The following AOAH variants were observed in gnomAD, a reference collection of about 807,000 sequenced individuals.
AOAH encodes the protein acyloxyacyl hydrolase (neutrophil).
A neutral mutation model predicts 92.2 loss-of-function variants in AOAH; 64 were observed. The observed-to-expected ratio is 0.69, with a 90% CI of 0.57 to 0.86. AOAH has a LOEUF of 0.86. Ranked by LOEUF, AOAH falls within the 40% of genes least tolerant of loss-of-function variation. The probability of loss-of-function intolerance (pLI) is 0.00; values close to 1 mark genes in which losing one functional copy is unlikely to be tolerated. For synonymous variants in AOAH, 263 were observed against 254.5 expected, an observed-to-expected ratio of 1.03 and a Z score of -0.32; for missense variants, 656 against 694.6, an observed-to-expected ratio of 0.94 and a Z score of 0.62.
At chr7:36,624,373 A>G (rs1792485511) in intron 6 of AOAH, among the ~76,000 whole-genome samples, 1 of 152,236 alleles carries the variant, frequency 6.6e-6, no homozygotes, top group Non-Finnish European at 1.5e-5. Context: ...GAGAACCTCA[A>G]GGCAAATAAA....
rs1204434025 is a variant in AOAH at position 36,516,727 on chromosome 7, A to C, written c.1600-3347T>G. 6.6e-6 allele frequency among the ~76,000 whole-genome samples: 1 copy of C among 152,094 alleles called. No individual in the cohort carries two copies. The highest frequency in any genetic ancestry group is 1.5e-5 in the Non-Finnish European group (1 of 68,006). ...ATTACTGGTTCTTCTTTTTTGTGTT[A>C]TTGGCTTTCAACTTGATACACCTAA... is the stretch of plus-strand genomic sequence containing the variant. On this transcript the variant is annotated intron_variant, in intron 20 of 20. Coordinates refer to ENST00000617537, the MANE Select transcript of AOAH (RefSeq NM_001637.4). This position sits in a 1 kb window ranked among gnomAD's most constrained non-coding sequence, Gnocchi z 5.0.
chr7:36,700,775 G>T (rs572159015), intron 1 of AOAH, among the ~76,000 whole-genome samples: 1 of 152,168 alleles, frequency 6.6e-6, no homozygotes, highest in Admixed American at 6.6e-5. Context: ...TTTCCACAGA[G>T]GTTGTACTAA....
intron 11 of AOAH, among the ~76,000 whole-genome samples, chr7:36,605,061 A>T (rs946584828): frequency 1.3e-5 from 2 of 152,106 alleles, no homozygotes; most frequent in Non-Finnish European, 2.9e-5. Context: ...CTAATGACCT[A>T]ATTTAGTGGT....
At chr7:36,688,826 T>C (rs993432353) in intron 1 of AOAH, among the ~76,000 whole-genome samples, 1 of 150,580 alleles carries the variant, frequency 6.6e-6, no homozygotes, top group Non-Finnish European at 1.5e-5. Context: ...TATTTATGTG[T>C]ATATATACAT....
At chr7:36,602,342 T>A (rs925586171) in intron 11 of AOAH, among the ~76,000 whole-genome samples, 1 of 152,184 alleles carries the variant, frequency 6.6e-6, no homozygotes, top group Non-Finnish European at 1.5e-5. Context: ...ATTTATTTAT[T>A]CAATGAATGA....
At chr7:36,680,029 T>C (rs1771301300) in intron 2 of AOAH, among the ~76,000 whole-genome samples, 1 of 152,196 alleles carries the variant, frequency 6.6e-6, no homozygotes, top group African/African-American at 2.4e-5. Flanking sequence ...AGGCATGAAG[T>C]GCCTTCTTTC....
chr7:36,635,914 C>T (rs1177632360), intron 5 of AOAH, among the ~76,000 whole-genome samples: 1 of 152,144 alleles, frequency 6.6e-6, no homozygotes, highest in Non-Finnish European at 1.5e-5. Context: ...CTTAGATGCT[C>T]GATGCTCTGC....
intron 3 of AOAH, among the ~76,000 whole-genome samples, chr7:36,670,553 C>T (rs1795850631): frequency 6.6e-6 from 1 of 152,184 alleles, no homozygotes; most frequent in African/African-American, 2.4e-5. Context: ...CAGCTCACTG[C>T]AACCTCGGTC....
chr7:36,710,992 C>T (rs1428634672), intron 1 of AOAH, among the ~76,000 whole-genome samples: 1 of 152,092 alleles, frequency 6.6e-6, no homozygotes, highest in African/African-American at 2.4e-5. Flanking sequence ...AGCTATGCCC[C>T]CAAAGTCACA....
At chr7:36,517,967 A>G (rs28559880) in intron 20 of AOAH, among the ~76,000 whole-genome samples, 15 of 149,898 alleles carry the variant, frequency 1.0e-4, no homozygotes, top group African/African-American at 3.2e-4. Flanking sequence ...ACACACACAC[A>G]CACGCACACA....
chr7:36,563,605 C>G (rs1787449644), intron 13 of AOAH, among the ~76,000 whole-genome samples: 2 of 152,096 alleles, frequency 1.3e-5, no homozygotes, highest in Non-Finnish European at 2.9e-5. Context: ...GTACTTGAAA[C>G]CAGAAACTGG....
Position 36,540,041 on chromosome 7 carries a change from C to T in AOAH, c.1306+278G>A, listed in dbSNP as rs1785316133. On this transcript the variant is annotated intron_variant, in intron 16 of 20. Transcript: ENST00000617537. Reference sequence around the variant, plus strand: ...CTTCCTCAGCTCATTTTACATTTCACCTTCTGTTAGAGGAATTTCCTGGTT... The same window carrying T: ...CTTCCTCAGCTCATTTTACATTTCATCTTCTGTTAGAGGAATTTCCTGGTT... Among the ~76,000 whole-genome samples, 3 of 152,178 alleles carry T rather than the reference C, an allele frequency of 2.0e-5. 1 individual carries two copies. In the South Asian group the frequency reaches 6.2e-4, roughly 32 times the overall value.
rs1562688297 is a variant in AOAH at position 36,678,607 on chromosome 7, G to GCA, written c.224-4599_224-4598insTG. On this transcript the variant is annotated intron_variant, in intron 2 of 20. Transcript: ENST00000617537. The stretch of plus-strand genomic sequence containing the variant: ...TGTGTGTGTGTGTGTGTGTGCGCGC[G>GCA]CGCGCGCGTTAGAATTCTGTTTAGC... Among the ~76,000 whole-genome samples, 5 of 146,774 alleles carry GCA rather than the reference G, an allele frequency of 3.4e-5. No homozygotes were observed. In the East Asian group the frequency reaches 6.2e-4, roughly 18 times the overall value.
At chr7:36,588,583 C>T (rs1056868967) in intron 12 of AOAH, among the ~76,000 whole-genome samples, 4 of 152,152 alleles carry the variant, frequency 2.6e-5, no homozygotes, top group Non-Finnish European at 4.4e-5. Flanking sequence ...CTTACATGTC[C>T]TTTTTTGAAA....
chr7:36,636,528 C>T (rs1313597322), intron 5 of AOAH, among the ~76,000 whole-genome samples: 2 of 152,252 alleles, frequency 1.3e-5, no homozygotes, highest in Middle Eastern at 3.4e-3. Context: ...TCAAGAGTTT[C>T]CTGTGGTCTT....
chr7:36,651,456 G>T (rs1353949437), intron 4 of AOAH, among the ~76,000 whole-genome samples: 1 of 152,194 alleles, frequency 6.6e-6, no homozygotes, highest in Non-Finnish European at 1.5e-5. Flanking sequence ...CGGCTGTGGG[G>T]ATGGTACATG....
In AOAH at chr7:36,533,027, G is replaced by C. The variant is rs7778687; in HGVS notation, c.1307-683C>G. 0.013 allele frequency among the ~76,000 whole-genome samples: 1,963 copies of C among 152,246 alleles called. 68 individuals are homozygous for C. In the East Asian group the frequency reaches 0.15, roughly 12 times the overall value. On this transcript the variant is annotated intron_variant, in intron 16 of 20. Transcript: ENST00000617537. ...AATTAGTAGACACCCTTATTTTTTAGTGCAAGTTACAGAGGTACATAATAA... is the reference window on the plus strand; with the variant it reads ...AATTAGTAGACACCCTTATTTTTTACTGCAAGTTACAGAGGTACATAATAA...
chr7:36,671,762 C>T (rs1795952952), intron 3 of AOAH, among the ~76,000 whole-genome samples: 1 of 151,832 alleles, frequency 6.6e-6, no homozygotes, highest in African/African-American at 2.4e-5. Flanking sequence ...GCTGAGTGAA[C>T]ATCTCGTACA....
chr7:36,580,110 T>C (rs758941678), intron 12 of AOAH, among the ~76,000 whole-genome samples: 2 of 152,232 alleles, frequency 1.3e-5, no homozygotes, highest in Non-Finnish European at 2.9e-5. Flanking sequence ...TGTTAGACCT[T>C]TGATAAACCC....
Sources: allele counts gnomAD v4.1 joint callset (sites outside exome capture counted in the v4.1 genomes callset), GRCh38; gene constraint gnomAD v4.1.1; non-coding constraint Gnocchi (gnomAD v3.1); transcripts MANE v1.5; gene names NCBI Gene and HGNC (gene_info 2026-07-23, HGNC 2026-07-21).